Variants in PLCL2 observed in about 807,000 individuals in gnomAD.
PLCL2 encodes the protein phospholipase C like 2.
Under a neutral mutation model 79.6 loss-of-function variants are expected in PLCL2, and 4 were observed. The ratio of observed to expected loss-of-function variants is 0.05; its 90% CI spans 0.02 to 0.11. The LOEUF is 0.11. PLCL2 is among the 10% of genes least tolerant of loss of function. The pLI is 1.00. For missense variants in PLCL2, 895 were observed against 1,291.0 expected (o/e 0.69, Z 4.70); for synonymous variants, 484 against 457.7 (o/e 1.06, Z -0.73).
At chr3:16,973,816 G>A (rs2063897748) in intron 1 of PLCL2, among the ~76,000 whole-genome samples, 1 of 152,108 alleles carries the variant, frequency 6.6e-6, no homozygotes, top group Non-Finnish European at 1.5e-5. Context: ...TGCTCTCAAG[G>A]AGCTTATAAT....
chr3:17,059,960 A>G (rs1028688971), intron 4 of PLCL2, among the ~76,000 whole-genome samples: 1 of 152,136 alleles, frequency 6.6e-6, no homozygotes, highest in Non-Finnish European at 1.5e-5. Context: ...AGAGCAGGAA[A>G]GTATCGATGT....
intron 5 of PLCL2, among the ~76,000 whole-genome samples, chr3:17,083,318 ATTCC>A (rs758865773): frequency 6.6e-6 from 1 of 152,224 alleles, no homozygotes; most frequent in Non-Finnish European, 1.5e-5. Context: ...GGGCAAGGGC[ATTCC>A]CTGCAGAGGG....
intron 1 of PLCL2, among the ~76,000 whole-genome samples, chr3:16,958,944 A>G (rs533425300): frequency 2.6e-5 from 4 of 152,220 alleles, no homozygotes; most frequent in South Asian, 4.2e-4. Context: ...GGGATTAGTT[A>G]TCTTTGCACT....
At chr3:17,054,715 A>G (rs1470531055) in intron 4 of PLCL2, among the ~76,000 whole-genome samples, 1 of 152,070 alleles carries the variant, frequency 6.6e-6, no homozygotes, top group Non-Finnish European at 1.5e-5. Context: ...TCCCACCAGG[A>G]CCCACCTCCA....
At chr3:16,944,644 G>A (rs575998010) in intron 1 of PLCL2, among the ~76,000 whole-genome samples, 31 of 152,268 alleles carry the variant, frequency 2.0e-4, no homozygotes, top group South Asian at 4.1e-4. Flanking sequence ...AGAGAGGCCT[G>A]GGAAGAAACC....
chr3:17,005,002 C>T (rs953351906), intron 1 of PLCL2, among the ~76,000 whole-genome samples: 2 of 125,548 alleles, frequency 1.6e-5, no homozygotes, highest in Admixed American at 7.4e-5. Context: ...ACCCCATGCC[C>T]ACACCCTAGC....
intron 3 of PLCL2, among the ~76,000 whole-genome samples, chr3:17,030,850 A>G (rs2064573409): frequency 6.6e-6 from 1 of 152,342 alleles, no homozygotes; most frequent in Non-Finnish European, 1.5e-5. Flanking sequence ...CAGTAAGACT[A>G]TGATTAAATT....
intron 1 of PLCL2, among the ~76,000 whole-genome samples, chr3:17,004,586 A>G (rs1447529856): frequency 6.6e-6 from 1 of 151,992 alleles, no homozygotes; most frequent in Non-Finnish European, 1.5e-5. Context: ...TCTTGCTCCA[A>G]ATTCCCCCTT....
chr3:17,051,726 G>A (rs1428351472), intron 4 of PLCL2, among the ~76,000 whole-genome samples: 1 of 152,178 alleles, frequency 6.6e-6, no homozygotes, highest in Non-Finnish European at 1.5e-5. Context: ...AACACCAGCT[G>A]CCAGTCTTTT....
At chr3:17,050,850 GT>G (rs1282809850) in intron 4 of PLCL2, among the ~76,000 whole-genome samples, 1 of 152,180 alleles carries the variant, frequency 6.6e-6, no homozygotes, top group Admixed American at 6.5e-5. Context: ...GCACTCCCAT[GT>G]TTTTTGCAGC....
intron 1 of PLCL2, among the ~76,000 whole-genome samples, chr3:16,888,229 T>C (rs1319715649): frequency 6.6e-6 from 1 of 152,248 alleles, no homozygotes; most frequent in African/African-American, 2.4e-5. Context: ...CCGAATCTTA[T>C]TCCTCATTTA....
At chr3:16,937,759 T>C (rs1380998499) in intron 1 of PLCL2, among the ~76,000 whole-genome samples, 1 of 151,764 alleles carries the variant, frequency 6.6e-6, no homozygotes, top group African/African-American at 2.4e-5. Flanking sequence ...TATGGTTGAA[T>C]TTCCCCCTCC....
intron 5 of PLCL2, among the ~76,000 whole-genome samples, chr3:17,089,421 G>A (rs2065252359): frequency 6.6e-6 from 1 of 151,884 alleles, no homozygotes; most frequent in Admixed American, 6.6e-5. Context: ...AAACAAGATT[G>A]GCCAAACAAC....
intron 5 of PLCL2, among the ~76,000 whole-genome samples, chr3:17,068,587 T>C (rs913288879): frequency 6.6e-6 from 1 of 152,238 alleles, no homozygotes; most frequent in African/African-American, 2.4e-5. Flanking sequence ...CTGCTATCTC[T>C]ATGCATATCT....
At chr3:16,942,817 T>G (rs1176684650) in intron 1 of PLCL2, among the ~76,000 whole-genome samples, 1 of 152,202 alleles carries the variant, frequency 6.6e-6, no homozygotes. Context: ...ATCAAATGAC[T>G]TCCACTTAAT....
At chr3:16,896,598 A>C (rs889344686) in intron 1 of PLCL2, among the ~76,000 whole-genome samples, 2 of 152,226 alleles carry the variant, frequency 1.3e-5, no homozygotes, top group African/African-American at 4.8e-5. Context: ...CTCTTCACAT[A>C]ACAGTTTTCT....
chr3:17,051,543 G>A (rs6775837), intron 4 of PLCL2, among the ~76,000 whole-genome samples: 62,925 of 149,116 alleles, frequency 0.42, 14,335 homozygotes, highest in African/African-American at 0.6. Context: ...GTTCTGGGGG[G>A]AAAAAAAAGT....
At chr3:16,892,752 C>T (rs1346833058) in intron 1 of PLCL2, among the ~76,000 whole-genome samples, 3 of 152,094 alleles carry the variant, frequency 2.0e-5, no homozygotes, top group African/African-American at 7.2e-5. Flanking sequence ...TTGTATGCAT[C>T]GTCTCATGCA....
At chr3:17,020,290 G>GT (rs1474301123) in intron 3 of PLCL2, among the ~76,000 whole-genome samples, 6 of 152,224 alleles carry the variant, frequency 3.9e-5, no homozygotes, top group Non-Finnish European at 5.9e-5. Flanking sequence ...CTTTTCTAAA[G>GT]TTTTTTGTTA....
Sources: allele counts gnomAD v4.1 joint callset (sites outside exome capture counted in the v4.1 genomes callset), GRCh38; gene constraint gnomAD v4.1.1; transcripts MANE v1.5; gene names NCBI Gene and HGNC (gene_info 2026-07-23, HGNC 2026-07-21).